BEND6: variants seen among roughly 807,000 people sequenced by gnomAD.
BEND6 encodes the protein BEN domain containing 6.
A neutral mutation model predicts 31.8 loss-of-function variants in BEND6; 24 were observed. The ratio of observed to expected loss-of-function variants is 0.75; its 90% confidence interval spans 0.55 to 1.06. The LOEUF (loss-of-function observed/expected upper bound fraction) is 1.06. Among genes scored for constraint, BEND6 ranks in the 50% least tolerant of loss-of-function variants. The pLI, the probability that BEND6 is intolerant of heterozygous loss-of-function variation, is 0.00. For synonymous variants in BEND6, 109 were observed against 114.6 expected, an observed-to-expected ratio of 0.95 and a Z score of 0.31; for missense variants, 294 against 327.4, an observed-to-expected ratio of 0.90 and a Z score of 0.79.
At chr6:56,972,254 C>T (rs1054065086) in intron 1 of BEND6, among the ~76,000 whole-genome samples, 3 of 151,850 alleles carry the variant, frequency 2.0e-5, no homozygotes, top group Admixed American at 2.0e-4. Flanking sequence ...GCCACCAGGC[C>T]TGACTAATTT....
At position 56,975,366 on chromosome 6, in the gene BEND6, A is replaced by T. The variant is rs145637718; in HGVS notation, c.-100-6345A>T. ...AACTAAGAAGAAAATGCCTCTCAAC[A>T]TCGTTAGTATATCAATAGGTCAGCA... On this transcript the variant is annotated intron_variant, in intron 1 of 6. Transcript: ENST00000370746. 3.0e-3 allele frequency among the ~76,000 whole-genome samples: 455 copies of T among 152,334 alleles called. 2 individuals are homozygous for T. Among genetic ancestry groups the T allele is most frequent in the Non-Finnish European group, 4.9e-3 (331 of 68,024 alleles).
At chr6:56,965,087 G>A (rs1052464886) in intron 1 of BEND6, among the ~76,000 whole-genome samples, 1 of 152,100 alleles carries the variant, frequency 6.6e-6, no homozygotes, top group Non-Finnish European at 1.5e-5. Flanking sequence ...TTTATTGATA[G>A]CACTTTCACT....
At chr6:56,988,207 G>A (rs960488109) in intron 2 of BEND6, among the ~76,000 whole-genome samples, 2 of 151,752 alleles carry the variant, frequency 1.3e-5, no homozygotes, top group Non-Finnish European at 2.9e-5. Context: ...TAGTTGAGAC[G>A]GGGTTTCACC....
At chr6:57,023,667 G>A (rs1197464197) in intron 6 of BEND6, among the ~76,000 whole-genome samples, 1 of 152,158 alleles carries the variant, frequency 6.6e-6, no homozygotes, top group Non-Finnish European at 1.5e-5. Flanking sequence ...AGGCAGTGGT[G>A]TGATCATGAC....
At chr6:56,979,380 C>T (rs1446279986) in intron 1 of BEND6, among the ~76,000 whole-genome samples, 2 of 152,102 alleles carry the variant, frequency 1.3e-5, no homozygotes, top group African/African-American at 4.8e-5. Flanking sequence ...GAATTGTACA[C>T]TTTAAATGGA....
At position 57,004,460 on chromosome 6, in the gene BEND6, G is replaced by A; in HGVS notation, c.299-10673G>A. 3 of 620,532 alleles carry A rather than the reference G, an allele frequency of 4.8e-6. No individual in the cohort carries two copies. The Admixed American group carries it at 6.5e-5, about 13-fold the overall frequency. The allele number at this position is 620,532 out of a possible 1,614,324, so 38.4% of individuals were successfully genotyped here. On this transcript the variant is annotated intron_variant, in intron 3 of 6. Coordinates refer to ENST00000370746, the MANE Select transcript of BEND6 (RefSeq NM_152731.3). Reference sequence around the variant, plus strand: ...GGCTGCCCATAGCCAGCCCTCCGCTGCCTCCTCACCGCGCCCTGGGACCGT... The same window carrying A: ...GGCTGCCCATAGCCAGCCCTCCGCTACCTCCTCACCGCGCCCTGGGACCGT...
intron 3 of BEND6, among the ~76,000 whole-genome samples, chr6:56,993,746 G>A (rs1364664179): frequency 1.1e-4 from 17 of 152,158 alleles, no homozygotes; most frequent in Non-Finnish European, 2.5e-4. Context: ...TGCCCAGGAT[G>A]GAGTGCAGTG....
intron 2 of BEND6, among the ~76,000 whole-genome samples, chr6:56,987,771 T>C (rs1358063426): frequency 1.3e-5 from 2 of 152,132 alleles, no homozygotes; most frequent in African/African-American, 4.8e-5. Flanking sequence ...TTCTTTAAAA[T>C]TTTAAACAAC....
intron 3 of BEND6, among the ~76,000 whole-genome samples, chr6:57,013,649 T>C (rs191781773): frequency 1.3e-5 from 2 of 152,144 alleles, no homozygotes; most frequent in African/African-American, 4.8e-5. Flanking sequence ...CAGGAGCTCA[T>C]GATGAGTGGC....
intron 3 of BEND6, chr6:57,010,759 T>C: frequency 1.2e-6 from 1 of 860,628 alleles, no homozygotes; most frequent in Non-Finnish European, 1.4e-6. Flanking sequence ...TGTTGGTGAA[T>C]ATTTAACTGA....
In BEND6 at chr6:57,017,234, C is replaced by T. The variant is rs775307108; in HGVS notation, c.547C>T (p.Arg183Cys). The change falls in exon 5 of 7, where the codon CGT becomes TGT. Residue 183 changes from arginine to cysteine, a missense_variant. Physicochemically the swap from Arg to Cys is radical, Grantham distance 180. Transcript: ENST00000370746. The stretch of plus-strand genomic sequence containing the variant: ...CCAGATTGAAAAATGGCAGATTGCC[C>T]GTTGTAACAAGAGCAAGCCTCAGAA... Reference protein sequence around the residue: ...QFQIEKWQIARCNKSKPQKFI... With the variant: ...QFQIEKWQIACCNKSKPQKFI... 16 of 1,561,566 alleles carry T rather than the reference C, an allele frequency of 1.0e-5. No homozygotes were observed. The highest frequency in any genetic ancestry group is 5.6e-5 in the Admixed American group (3 of 53,306).
intron 1 of BEND6, among the ~76,000 whole-genome samples, chr6:56,969,443 T>C (rs898011719): frequency 6.6e-6 from 1 of 152,210 alleles, no homozygotes; most frequent in Non-Finnish European, 1.5e-5. Flanking sequence ...TTGGCACTAG[T>C]TTCCCGCCAC....
At chr6:57,013,079 C>T (rs115705100) in intron 3 of BEND6, among the ~76,000 whole-genome samples, 8 of 152,216 alleles carry the variant, frequency 5.3e-5, no homozygotes, top group African/African-American at 1.4e-4. Flanking sequence ...TTCTTTGTGG[C>T]GTTTAAGAAT....
rs1253227187 is a variant in BEND6 at position 56,972,059 on chromosome 6, T to TA, written c.-100-9652_-100-9651insA. 2.0e-4 allele frequency among the ~76,000 whole-genome samples: 31 copies of TA among 151,488 alleles called. No homozygotes were observed. The East Asian group carries it at 5.8e-3, about 28-fold the overall frequency. On this transcript the variant is annotated intron_variant, in intron 1 of 6. Transcript: ENST00000370746. The stretch of plus-strand genomic sequence containing the variant: ...CCAGTTGCATAAAGCTTTTGCCATA[T>TA]GTTTTCTTTTTACTTTACTTTACTT...
At chr6:56,984,483 G>A (rs1200479902) in intron 2 of BEND6, among the ~76,000 whole-genome samples, 1 of 152,152 alleles carries the variant, frequency 6.6e-6, no homozygotes, top group Non-Finnish European at 1.5e-5. Flanking sequence ...AAATTGATGG[G>A]AGAAAATGAT....
intron 3 of BEND6, 45 bp from the exon 4 acceptor site, chr6:57,015,088 A>G (rs1434584606): frequency 5.3e-6 from 8 of 1,522,970 alleles, no homozygotes; most frequent in African/African-American, 1.4e-5. Context: ...ATATGCACCT[A>G]TTATCAATGG....
At chr6:56,981,088 A>G (rs1826048871) in intron 1 of BEND6, among the ~76,000 whole-genome samples, 1 of 152,166 alleles carries the variant, frequency 6.6e-6, no homozygotes, top group Admixed American at 6.5e-5. Context: ...TGCTGGGATT[A>G]CAGGTGTGAG....
At chr6:57,014,971 A>C (rs1361872730) in intron 3 of BEND6, among the ~76,000 whole-genome samples, 162 bp from the exon 4 acceptor site, 2 of 152,244 alleles carry the variant, frequency 1.3e-5, no homozygotes, top group Non-Finnish European at 2.9e-5. Context: ...AATAAAAGTA[A>C]ATATGTTCCA....
At position 56,981,946 on chromosome 6, in the gene BEND6, C is replaced by T. The variant is rs1177838676; in HGVS notation, c.120+16C>T. 2 of 1,597,488 alleles carry T rather than the reference C, an allele frequency of 1.3e-6. No individual in the cohort carries two copies. The highest frequency in any genetic ancestry group is 3.5e-5 in the Admixed American group (2 of 56,674). ...TAAAGGACAGGTTGGTTTTTTGTTA[C>T]CTTGACTCAACTTTGTTATCTAGCT... On this transcript the variant is annotated intron_variant, in intron 2 of 6. Coordinates refer to ENST00000370746, the MANE Select transcript of BEND6 (RefSeq NM_152731.3).
Sources: gnomAD v4.1 joint callset for allele counts (sites outside exome capture counted in the v4.1 genomes callset) on GRCh38, gnomAD v4.1.1 for gene constraint, MANE v1.5 for transcripts, NCBI Gene and HGNC (gene_info 2026-07-23, HGNC 2026-07-21) for gene names.